SDK1: variants seen among roughly 807,000 people sequenced by gnomAD.
SDK1 encodes the protein protein sidekick-1.
In SDK1, 157 loss-of-function variants were observed where a neutral mutation model predicts 245.5. The observed-to-expected ratio is 0.64, with a 90% CI of 0.56 to 0.73. The LOEUF is 0.73. SDK1 is among the 30% of genes least tolerant of loss of function. The probability of loss-of-function intolerance (pLI) is 0.00; values close to 1 mark genes in which losing one functional copy is unlikely to be tolerated. For synonymous variants in SDK1, 1,647 were observed against 1,278.5 expected (o/e 1.29, Z -6.15); for missense variants, 3,583 against 3,002.3 (o/e 1.19, Z -4.52).
intron 1 of SDK1, among the ~76,000 whole-genome samples, chr7:3,613,782 A>T (rs1041889393): frequency 2.0e-5 from 3 of 152,064 alleles, no homozygotes; most frequent in Non-Finnish European, 4.4e-5. Context: ...ACACCATGGA[A>T]TACTACGCAG....
At chr7:3,707,615 CTTGA>C (rs1258628544) in intron 4 of SDK1, among the ~76,000 whole-genome samples, 1 of 152,158 alleles carries the variant, frequency 6.6e-6, no homozygotes, top group Non-Finnish European at 1.5e-5. Flanking sequence ...GACTTTCTCT[CTTGA>C]TTGTCTGTCT....
chr7:3,695,015 C>G (rs948625875), intron 4 of SDK1, among the ~76,000 whole-genome samples: 4 of 152,072 alleles, frequency 2.6e-5, no homozygotes, highest in Admixed American at 6.5e-5. Context: ...TCCCAGAAAG[C>G]AGGTATAAAG....
Position 4,016,527 on chromosome 7 carries a change from T to C in SDK1, c.2421-644T>C, listed in dbSNP as rs73673243. On this transcript the variant is annotated intron_variant, in intron 16 of 44. Transcript: ENST00000404826. Reference sequence around the variant, plus strand: ...TAATTTATACACCCTAAGTCCTGAGTTGTGTACATTATCTTTTTCATAAAC... The same window carrying C: ...TAATTTATACACCCTAAGTCCTGAGCTGTGTACATTATCTTTTTCATAAAC... Among the ~76,000 whole-genome samples the C allele has an allele frequency of 5.7e-3, 863 of 152,314 alleles. 5 individuals carry two copies. The highest frequency in any genetic ancestry group is 0.02 in the African/African-American group (812 of 41,556).
rs1157058720 is a variant in SDK1 at position 3,963,106 on chromosome 7, T to A, written c.1429+255T>A. On this transcript the variant is annotated intron_variant, in intron 9 of 44. Transcript: ENST00000404826. The stretch of plus-strand genomic sequence containing the variant: ...TGGCTACCTGGATGTAACCAGTGGG[T>A]ACACCCAGGCTCACAGCTACCTGAT... Among the ~76,000 whole-genome samples the A allele has an allele frequency of 3.9e-5, 5 of 129,502 alleles. No homozygotes were observed. In the East Asian group the frequency reaches 1.2e-3, roughly 30 times the overall value. 85.0% of individuals were successfully genotyped at this position (129,502 alleles called of 152,430 possible).
chr7:3,690,870 A>G (rs10485873), intron 4 of SDK1, among the ~76,000 whole-genome samples: 1 of 151,920 alleles, frequency 6.6e-6, no homozygotes, highest in Non-Finnish European at 1.5e-5. Context: ...CATAATAGAC[A>G]GTCTCAAAAC....
chr7:3,943,696 G>A (rs189207222), intron 5 of SDK1, among the ~76,000 whole-genome samples: 3 of 151,970 alleles, frequency 2.0e-5, no homozygotes, highest in Admixed American at 2.0e-4. Context: ...TTAGCAGTTC[G>A]GGTTAACTTT....
intron 4 of SDK1, among the ~76,000 whole-genome samples, chr7:3,817,761 C>G (rs890880367): frequency 6.6e-6 from 1 of 152,220 alleles, no homozygotes; most frequent in Non-Finnish European, 1.5e-5. Flanking sequence ...GCTAGCTACT[C>G]TCTTCCTCGG....
chr7:4,064,304 A>G (rs1272837154), intron 19 of SDK1, among the ~76,000 whole-genome samples: 1 of 152,202 alleles, frequency 6.6e-6, no homozygotes, highest in Non-Finnish European at 1.5e-5. Flanking sequence ...CAGATGGTCA[A>G]CGTGTCTATG....
intron 17 of SDK1, among the ~76,000 whole-genome samples, chr7:4,029,883 C>T (rs1374617977): frequency 6.6e-6 from 1 of 152,196 alleles, no homozygotes; most frequent in East Asian, 1.9e-4. Flanking sequence ...GGAATCAACA[C>T]ACTGAAATGT....
At chr7:3,780,725 A>G (rs538451776) in intron 4 of SDK1, among the ~76,000 whole-genome samples, 1 of 151,920 alleles carries the variant, frequency 6.6e-6, no homozygotes, top group South Asian at 2.1e-4. Context: ...AGCCCACCCA[A>G]CCACCCTGTG....
chr7:4,084,285 T>C (rs895297665), intron 22 of SDK1, among the ~76,000 whole-genome samples: 4 of 152,250 alleles, frequency 2.6e-5, no homozygotes, highest in African/African-American at 9.6e-5. Flanking sequence ...GTGATCTCTT[T>C]TGCTGAGTAT....
chr7:3,666,157 C>T (rs1783526166), intron 4 of SDK1, among the ~76,000 whole-genome samples: 1 of 152,148 alleles, frequency 6.6e-6, no homozygotes, highest in South Asian at 2.1e-4. Flanking sequence ...TATGACACCC[C>T]CACCCCACTC....
Position 3,500,853 on chromosome 7 carries a change from G to A in SDK1, c.299-118227G>A, listed in dbSNP as rs995080672. Reference sequence around the variant, plus strand: ...TTTATTTTTTGACATTTTACTTTCTGGGAGATTTCATTTTCCAACTGATAT... The same window carrying A: ...TTTATTTTTTGACATTTTACTTTCTAGGAGATTTCATTTTCCAACTGATAT... On this transcript the variant is annotated intron_variant, in intron 1 of 44. Coordinates refer to ENST00000404826, the MANE Select transcript of SDK1 (RefSeq NM_152744.4). Among the ~76,000 whole-genome samples the A allele has an allele frequency of 4.5e-4, 67 of 150,466 alleles. 1 individual carries two copies. Among genetic ancestry groups the A allele is most frequent in the African/African-American group, 1.5e-3 (60 of 40,952 alleles).
intron 4 of SDK1, 143 bp downstream of exon 4, chr7:3,642,248 A>ATTTC: frequency 1.5e-6 from 1 of 667,566 alleles, no homozygotes; most frequent in East Asian, 2.9e-5. Flanking sequence ...AATTTTTAAT[A>ATTTC]AACAGCTATT....
chr7:3,332,501 C>T (rs913493752), intron 1 of SDK1, among the ~76,000 whole-genome samples: 4 of 152,200 alleles, frequency 2.6e-5, no homozygotes, highest in East Asian at 1.9e-4. Context: ...TCTCCTAAAG[C>T]GAAGTCAGAG....
intron 17 of SDK1, 87 bp from the exon 18 acceptor site, chr7:4,049,261 G>A (rs1292896266): frequency 1.1e-6 from 1 of 923,464 alleles, no homozygotes; most frequent in African/African-American, 1.6e-5. Context: ...TGAGCATGAT[G>A]GCAGCTAAGG....
chr7:3,831,893 C>CAA (rs148524390), intron 5 of SDK1, among the ~76,000 whole-genome samples: 1 of 151,408 alleles, frequency 6.6e-6, no homozygotes, highest in South Asian at 2.1e-4. Context: ...ACAACAAAAA[C>CAA]AAAAAAAACG....
intron 1 of SDK1, among the ~76,000 whole-genome samples, chr7:3,480,561 C>T (rs1305278454): frequency 3.3e-5 from 5 of 152,364 alleles, no homozygotes; most frequent in African/African-American, 9.6e-5. Context: ...CTCCTTCCAG[C>T]TCCTGCAACC....
chr7:3,643,031 C>G (rs1009315418), intron 4 of SDK1: 12 of 152,304 alleles, frequency 7.9e-5, no homozygotes, highest in African/African-American at 2.7e-4. Flanking sequence ...TGGGAACCCA[C>G]CTGCTCTCTC....
Sources: gnomAD v4.1 joint callset for allele counts (sites outside exome capture counted in the v4.1 genomes callset) on GRCh38, gnomAD v4.1.1 for gene constraint, MANE v1.5 for transcripts, NCBI Gene and HGNC (gene_info 2026-07-23, HGNC 2026-07-21) for gene names.